VPS35: variants seen among roughly 807,000 people sequenced by gnomAD.
VPS35 encodes VPS35 retromer complex component.
VPS35 carries 21 observed loss-of-function variants against 98.1 expected under a neutral mutation model. The ratio of observed to expected loss-of-function variants is 0.21; its 90% CI spans 0.15 to 0.31. The LOEUF is 0.31. Among genes scored for constraint, VPS35 ranks in the 10% least tolerant of loss-of-function variants. VPS35 has a pLI of 1.00. For missense variants in VPS35, 554 were observed against 950.8 expected (o/e 0.58, Z 5.49); for synonymous variants, 268 against 318.2 (o/e 0.84, Z 1.68).
intron 12 of VPS35, 149 bp downstream of exon 12, chr16:46,671,556 C>A: frequency 1.7e-6 from 2 of 1,151,040 alleles, no homozygotes; most frequent in Non-Finnish European, 2.5e-6. Context: ...ACTACAACCT[C>A]CGCCTCCCAG....
In VPS35 at chr16:46,663,108, T is replaced by G. The variant is rs774875351; in HGVS notation, c.1702A>C (p.Ile568Leu). The G allele has an allele frequency of 1.2e-6, 2 of 1,614,112 alleles. No homozygotes were observed. The highest frequency in any genetic ancestry group is 1.7e-6 in the Non-Finnish European group (2 of 1,180,038). ...QKIFSFAHQT[I>L]SALIKAELAE... ...AGCTCTGCTTTGATCAAAGCACTGA[T>G]AGTCTGGTGGGCAAATGAAAAAATC... Residue 568 changes from isoleucine to leucine, a missense_variant, in exon 14 of 17, where the codon ATC becomes CTC. By Grantham distance (5) the Ile-to-Leu change is conservative. Transcript: ENST00000299138.
Position 46,671,773 on chromosome 16 carries a change from C to T in VPS35, c.1456G>A (p.Asp486Asn). 6.2e-7 allele frequency: 1 copy of T among 1,614,114 alleles called. No individual in the cohort carries two copies. Among genetic ancestry groups the T allele is most frequent in the Non-Finnish European group, 8.5e-7 (1 of 1,180,016 alleles). Residue 486 changes from aspartate (D) to asparagine (N), a missense_variant, in exon 12 of 17, where the codon GAT (aspartate) becomes AAT (asparagine). Physicochemically the swap from Asp to Asn is conservative, Grantham distance 23. Coordinates refer to ENST00000299138, the MANE Select transcript of VPS35 (RefSeq NM_018206.6). ...VEDPDPEDFA[D>N]EQSLVGRFIH... Reference sequence around the variant, plus strand: ...AAGCGGCCCACAAGGCTCTGCTCATCAGCAAAATCTTCTGGATCAGGGTCT... The same window carrying T: ...AAGCGGCCCACAAGGCTCTGCTCATTAGCAAAATCTTCTGGATCAGGGTCT...
rs1966192466 is a variant in VPS35, at chr16:46,678,975, A to G, written c.688T>C (p.Leu230=). 6.2e-7 allele frequency: 1 copy of G among 1,614,148 alleles called. No homozygotes were observed. The highest frequency in any genetic ancestry group is 8.5e-7 in the Non-Finnish European group (1 of 1,180,024). ...TAACGTTCCACATTTACACCTTCCA[A>G]CTGACTGAGGCGCACCAAATTTGTT... ...VGTNLVRLSQ[L]EGVNVERYKQ... Residue 230 remains leucine (L), a synonymous_variant, in exon 6 of 17, where the codon TTG becomes CTG. Transcript: ENST00000299138.
chr16:46,666,960 T>C (rs1034991919), intron 13 of VPS35, among the ~76,000 whole-genome samples: 5 of 152,228 alleles, frequency 3.3e-5, no homozygotes, highest in African/African-American at 1.2e-4. Context: ...AGATACTGAT[T>C]TCCTTTCCTT....
At chr16:46,677,490 A>G in intron 6 of VPS35, 92 bp from the exon 7 acceptor site, 1 of 1,069,794 alleles carries the variant, frequency 9.3e-7, no homozygotes, top group Non-Finnish European at 1.4e-6. Context: ...CTAACTTGAA[A>G]ATCGTATTTG....
At position 46,672,371 on chromosome 16, in the gene VPS35, A is replaced by T. The variant is rs375087873; in HGVS notation, c.1262T>A (p.Phe421Tyr). ...GTCAAAGTACTCAAAGAGTGGGTGA[A>T]AATGTTTTAATTTCAAGACTGTTAA... The part of the protein sequence containing the change: ...NILTVLKLKH[F>Y]HPLFEYFDYE... The change falls in exon 11 of 17, where the codon TTT becomes TAT. Residue 421 changes from phenylalanine (F) to tyrosine (Y), a missense_variant. Phe to Tyr is a conservative substitution (Grantham distance 22, BLOSUM62 3). Around this residue, in one of 5 missense-constraint regions of VPS35, gnomAD observed 254 missense variants for 390.1 expected, o/e 0.65. Transcript: ENST00000299138. 1.9e-6 allele frequency: 3 copies of T among 1,613,710 alleles called. No individual in the cohort carries two copies. Among genetic ancestry groups the T allele is most frequent in the Non-Finnish European group, 2.5e-6 (3 of 1,179,846 alleles).
chr16:46,671,490 G>A (rs1321688924), intron 12 of VPS35, among the ~76,000 whole-genome samples: 4 of 149,498 alleles, frequency 2.7e-5, no homozygotes, highest in South Asian at 2.1e-4. Context: ...TTTTTTTTTC[G>A]AGATGGAGTC....
rs1317591316 is a variant in VPS35, at chr16:46,661,747, T to C, written c.2182A>G (p.Ile728Val). The change falls in exon 16 of 17, where the codon ATC becomes GTC. Residue 728 changes from isoleucine (I) to valine (V), a missense_variant. Physicochemically the swap from Ile to Val is conservative, Grantham distance 29. Around this residue, in one of 5 missense-constraint regions of VPS35, gnomAD observed 153 missense variants for 211.0 expected, o/e 0.73. Coordinates refer to ENST00000299138, the MANE Select transcript of VPS35 (RefSeq NM_018206.6). This position sits in a 1 kb window ranked among gnomAD's most constrained non-coding sequence, Gnocchi z 4.3. ...TCATTTTCCTTTTCATAAAAATAGA[T>C]ATATCTGTTCAGAATTTCTATAAAA... ...QLFIEILNRY[I>V]YFYEKENDAV... 1.2e-6 allele frequency: 2 copies of C among 1,611,646 alleles called. No homozygotes were observed. The highest frequency in any genetic ancestry group is 1.7e-6 in the Non-Finnish European group (2 of 1,177,842).
intron 16 of VPS35, chr16:46,660,975 C>T: frequency 2.6e-6 from 1 of 386,990 alleles, no homozygotes; most frequent in Non-Finnish European, 4.9e-6. Flanking sequence ...GGTGGAACCC[C>T]ATCTCTAGTA....
intron 6 of VPS35, among the ~76,000 whole-genome samples, chr16:46,678,280 T>C (rs1596721639): frequency 8.5e-6 from 1 of 117,938 alleles, no homozygotes; most frequent in South Asian, 2.6e-4. Context: ...GGGCCATACA[T>C]AAAATACACT....
intron 10 of VPS35, chr16:46,673,435 G>A (rs564516553): frequency 9.2e-5 from 14 of 152,360 alleles, no homozygotes; most frequent in African/African-American, 3.1e-4. Flanking sequence ...GAGATAGAAA[G>A]GAGGAAGATT....
chr16:46,689,023 G>A, intron 1 of VPS35, 108 bp downstream of exon 1: 1 of 1,556,924 alleles, frequency 6.4e-7, no homozygotes, highest in East Asian at 2.4e-5. Context: ...TCTTAATCCC[G>A]AACGGTCTGT....
chr16:46,674,454 T>C lies in VPS35; in HGVS notation c.1020A>G (p.Gln340=), dbSNP rs188883365. The change falls in exon 10 of 17, where the codon CAA becomes CAG. Residue 340 remains glutamine (Q), a synonymous_variant. Transcript: ENST00000299138. The stretch of plus-strand genomic sequence containing the variant: ...ATACAACATCCTCTGAAGGCATGTC[T>C]TGTCTAGACTGGAATGTTTAGAAAA... ...QQVATVIQSR[Q]DMPSEDVVSL... is the part of the protein sequence containing the mutation. 72 of 1,612,688 alleles carry C rather than the reference T, an allele frequency of 4.5e-5. No homozygotes were observed. In the Admixed American group the frequency reaches 1.0e-3, roughly 23 times the overall value.
In VPS35 at chr16:46,663,412, GC is replaced by G. The variant is rs762872846; in HGVS notation, c.1648-251del. On this transcript the variant is annotated intron_variant, in intron 13 of 16. Coordinates refer to ENST00000299138, the MANE Select transcript of VPS35 (RefSeq NM_018206.6). ...TTTTTTCTTTTTGAGACAGAGTTTT[GC>G]TCTTGTTGCCCAGGCTGGAGTGCAG... 2.3e-4 allele frequency among the ~76,000 whole-genome samples: 35 copies of G among 152,288 alleles called. No homozygotes were observed. The Middle Eastern group carries it at 0.01, about 44-fold the overall frequency.
chr16:46,662,589 C>T (rs1965929553), intron 14 of VPS35, 107 bp from the exon 15 acceptor site: 1 of 1,537,548 alleles, frequency 6.5e-7, no homozygotes, highest in Admixed American at 1.7e-5. Flanking sequence ...CTTCTGCAGC[C>T]TTCATATCAG....
At chr16:46,685,341 T>C (rs565127181) in intron 1 of VPS35, among the ~76,000 whole-genome samples, 4 of 152,270 alleles carry the variant, frequency 2.6e-5, no homozygotes, top group Non-Finnish European at 5.9e-5. Flanking sequence ...ACAAAGAAAC[T>C]TGATAACATA....
At chr16:46,667,172 G>A (rs1056368268) in intron 13 of VPS35, among the ~76,000 whole-genome samples, 4 of 152,170 alleles carry the variant, frequency 2.6e-5, no homozygotes, top group Non-Finnish European at 5.9e-5. Context: ...CAGATGTGAG[G>A]TGACATCTCA....
intron 16 of VPS35, 187 bp from the exon 17 acceptor site, chr16:46,660,838 A>AAAAAAAG: frequency 3.0e-6 from 2 of 676,372 alleles, no homozygotes; most frequent in South Asian, 3.1e-5. Context: ...AAAAAAAAAA[A>AAAAAAAG]ACAACCCTTT....
At chr16:46,667,467 A>T (rs1247517295) in intron 13 of VPS35, among the ~76,000 whole-genome samples, 2 of 151,232 alleles carry the variant, frequency 1.3e-5, no homozygotes, top group African/African-American at 4.9e-5. Context: ...AGTTTATTAA[A>T]CTTATTTTTG....
Sources: gnomAD v4.1 joint callset for allele counts (sites outside exome capture counted in the v4.1 genomes callset) on GRCh38, gnomAD v4.1.1 for gene constraint, gnomAD v4.1.1 regional missense constraint, Gnocchi (gnomAD v3.1) non-coding constraint, MANE v1.5 for transcripts, NCBI Gene and HGNC (gene_info 2026-07-23, HGNC 2026-07-21) for gene names.